Variants in TG observed in about 807,000 individuals in gnomAD.
The protein encoded by TG is thyroid hormones.
TG carries 270 observed loss-of-function variants against 324.7 expected under a neutral mutation model. The ratio of observed to expected loss-of-function variants is 0.83; its 90% CI spans 0.75 to 0.92. The LOEUF is 0.92. Ranked by LOEUF, TG falls within the 40% of genes least tolerant of loss-of-function variation. The pLI, the probability that TG is intolerant of heterozygous loss-of-function variation, is 0.00. For synonymous variants in TG, 1,401 were observed against 1,327.0 expected (o/e 1.06, Z -1.21); for missense variants, 3,591 against 3,456.4 (o/e 1.04, Z -0.98).
chr8:132,889,006 G>A (rs1312493744), intron 10 of TG, among the ~76,000 whole-genome samples: 1 of 152,192 alleles, frequency 6.6e-6, no homozygotes, highest in Non-Finnish European at 1.5e-5. Flanking sequence ...TGCACAGAAT[G>A]CTGCTAAATA....
rs544038009 is a variant in TG, at chr8:132,902,169, A to G, written c.3634+616A>G. Among the ~76,000 whole-genome samples, 4 of 152,338 alleles carry G rather than the reference A, an allele frequency of 2.6e-5. No individual in the cohort carries two copies. In the East Asian group the frequency reaches 7.7e-4, roughly 29 times the overall value. On this transcript the variant is annotated intron_variant, in intron 16 of 47. Transcript: ENST00000220616. ...TGTGAATTTCCTTTCAGGGCAGGAA[A>G]TGGAGACATTACAAAATACTTATTA...
intron 41 of TG, among the ~76,000 whole-genome samples, chr8:133,048,316 G>T (rs1193268815): frequency 1.3e-5 from 2 of 152,088 alleles, no homozygotes; most frequent in Non-Finnish European, 2.9e-5. Flanking sequence ...CACCTTCCAG[G>T]TTCAAGTGAT....
intron 10 of TG, among the ~76,000 whole-genome samples, chr8:132,893,303 GTGTATGTGATC>G: frequency 8.3e-6 from 1 of 120,618 alleles, no homozygotes. Flanking sequence ...TGTACGTGTG[GTGTATGTGATC>G]TGTATGTGCA....
chr8:132,995,663 T>G (rs760593620), intron 35 of TG, among the ~76,000 whole-genome samples: 1 of 152,176 alleles, frequency 6.6e-6, no homozygotes, highest in Non-Finnish European at 1.5e-5. Context: ...GTAGCTTTTG[T>G]GTTTGGGGAA....
chr8:133,071,129 A>G (rs993646560), intron 41 of TG, among the ~76,000 whole-genome samples: 5 of 152,134 alleles, frequency 3.3e-5, no homozygotes, highest in Non-Finnish European at 7.3e-5. Flanking sequence ...TCCCTTGATG[A>G]GGCTTCGTGT....
chr8:133,079,108 A>T (rs1845352699), intron 41 of TG, among the ~76,000 whole-genome samples: 1 of 152,124 alleles, frequency 6.6e-6, no homozygotes. Context: ...CAAAGACAAA[A>T]ACACATAGCA....
chr8:133,045,207 C>T, intron 41 of TG: 1 of 1,358,408 alleles, frequency 7.4e-7, no homozygotes, highest in Non-Finnish European at 1.0e-6. Flanking sequence ...GGCAGGGAGA[C>T]CTGCCCACCC....
intron 41 of TG, among the ~76,000 whole-genome samples, chr8:133,051,498 T>G (rs1471158086): frequency 6.6e-6 from 1 of 152,200 alleles, no homozygotes; most frequent in Non-Finnish European, 1.5e-5. Flanking sequence ...AACAAAATAC[T>G]TATTTCTTGC....
intron 23 of TG, among the ~76,000 whole-genome samples, chr8:132,930,205 G>A (rs1199539521): frequency 2.0e-5 from 3 of 152,230 alleles, no homozygotes; most frequent in Non-Finnish European, 4.4e-5. Context: ...GAAGCTGGAG[G>A]AAATATTTGT....
chr8:132,882,503 C>T lies in TG; in HGVS notation c.780C>T (p.Thr260=). ...TGTTACTGGATGAAATTTATGACAC[C>T]ATTTTTGCTGGCCTGGACCTTCCTT... is the stretch of plus-strand genomic sequence containing the variant. ...LELLLDEIYD[T]IFAGLDLPST... Residue 260 remains threonine (T), a synonymous_variant, in exon 7 of 48, where the codon ACC becomes ACT. Coordinates refer to ENST00000220616, the MANE Select transcript of TG (RefSeq NM_003235.5). 2 of 1,614,180 alleles carry T rather than the reference C, an allele frequency of 1.2e-6. No individual in the cohort carries two copies. The highest frequency in any genetic ancestry group is 8.5e-7 in the Non-Finnish European group (1 of 1,180,042).
chr8:133,097,325 A>G (rs1848574797), intron 43 of TG, among the ~76,000 whole-genome samples: 1 of 152,248 alleles, frequency 6.6e-6, no homozygotes, highest in Admixed American at 6.5e-5. Context: ...CCAGTTTTAC[A>G]TGATATATAT....
chr8:132,972,548 G>A, intron 33 of TG, 50 bp from the exon 34 acceptor site: 3 of 1,595,324 alleles, frequency 1.9e-6, no homozygotes, highest in Non-Finnish European at 2.6e-6. Flanking sequence ...CTCTTCCATT[G>A]TACTCAGTTT....
chr8:133,019,598 G>T lies in TG; in HGVS notation c.6783-4G>T. The T allele has an allele frequency of 1.2e-6, 2 of 1,613,238 alleles. No homozygotes were observed. Among genetic ancestry groups the T allele is most frequent in the Non-Finnish European group, 1.7e-6 (2 of 1,179,476 alleles). ...CTTGGAAGTCACCCAGTCTGTATCT[G>T]CAGGGCCAGCTGCTGGCAGCCAGGC... is the stretch of plus-strand genomic sequence containing the variant. On this transcript the variant is annotated splice_region_variant and splice_polypyrimidine_tract_variant and intron_variant, in intron 38 of 47. Coordinates refer to ENST00000220616, the MANE Select transcript of TG (RefSeq NM_003235.5).
chr8:133,074,972 C>G, intron 41 of TG: 1 of 985,480 alleles, frequency 1.0e-6, no homozygotes, highest in Non-Finnish European at 1.2e-6. Context: ...AGCCGGGCTT[C>G]TCGCGGTTGT....
intron 27 of TG, among the ~76,000 whole-genome samples, chr8:132,958,132 T>A (rs1251701990): frequency 6.6e-6 from 1 of 152,214 alleles, no homozygotes; most frequent in African/African-American, 2.4e-5. Flanking sequence ...AACTGCTTCT[T>A]AATGGGGTCA....
chr8:132,886,006 T>G (rs573922276), intron 8 of TG, among the ~76,000 whole-genome samples: 164 of 152,328 alleles, frequency 1.1e-3, no homozygotes, highest in Middle Eastern at 0.01. Context: ...GAGCCCACCC[T>G]AATCCAGTAT....
intron 39 of TG, 30 bp from the exon 40 acceptor site, chr8:133,021,961 T>G: frequency 6.2e-7 from 1 of 1,613,996 alleles, no homozygotes; most frequent in Non-Finnish European, 8.5e-7. Context: ...CTCCCCACAC[T>G]TTAGCCTCAT....
At chr8:132,908,123 C>A (rs1818946665) in intron 17 of TG, 63 bp from the exon 18 acceptor site, 1 of 1,594,872 alleles carries the variant, frequency 6.3e-7, no homozygotes, top group Non-Finnish European at 8.6e-7. Flanking sequence ...AGAGGAAATC[C>A]CAAACAAAGA....
At chr8:133,132,006 A>G in intron 46 of TG, 60 bp downstream of exon 46, 1 of 1,611,406 alleles carries the variant, frequency 6.2e-7, no homozygotes, top group Non-Finnish European at 8.5e-7. Context: ...GCTTCCTTCA[A>G]GCAGAACGCA....
Sources: gnomAD v4.1 joint callset for allele counts (sites outside exome capture counted in the v4.1 genomes callset) on GRCh38, gnomAD v4.1.1 for gene constraint, MANE v1.5 for transcripts, NCBI Gene and HGNC (gene_info 2026-07-23, HGNC 2026-07-21) for gene names.